Variants in SLC26A7 observed in about 807,000 individuals in gnomAD.
SLC26A7 encodes the protein solute carrier family 26 member 7, also known as anion exchange transporter.
Under a neutral mutation model 82.5 loss-of-function variants are expected in SLC26A7, and 59 were observed. That is an observed-to-expected ratio of 0.72 (90% CI 0.58 to 0.89). SLC26A7 has a LOEUF of 0.89. Ranked by LOEUF, SLC26A7 falls within the 40% of genes least tolerant of loss-of-function variation. The pLI is 0.00. For missense variants in SLC26A7, 820 were observed against 793.0 expected (o/e 1.03, Z -0.41); for synonymous variants, 271 against 274.3 (o/e 0.99, Z 0.12).
chr8:91,307,742 A>G (rs998151812), intron 4 of SLC26A7, among the ~76,000 whole-genome samples: 3 of 147,886 alleles, frequency 2.0e-5, no homozygotes, highest in Admixed American at 6.7e-5. Context: ...TGGCACATGT[A>G]TACATATGTA....
At chr8:91,342,690 C>T (rs913006128) in intron 8 of SLC26A7, among the ~76,000 whole-genome samples, 1 of 152,144 alleles carries the variant, frequency 6.6e-6, no homozygotes, top group African/African-American at 2.4e-5. Flanking sequence ...TGTTAGCCAT[C>T]CAGAGGGAGA....
intron 13 of SLC26A7, among the ~76,000 whole-genome samples, chr8:91,365,969 G>A (rs759645923): frequency 9.2e-5 from 14 of 152,118 alleles, no homozygotes; most frequent in Non-Finnish European, 1.6e-4. Flanking sequence ...TGGCCAAAGC[G>A]GACATGTTTT....
At chr8:91,350,038 T>C (rs1813670522) in intron 9 of SLC26A7, among the ~76,000 whole-genome samples, 1 of 152,158 alleles carries the variant, frequency 6.6e-6, no homozygotes, top group African/African-American at 2.4e-5. Flanking sequence ...ACTATAACTT[T>C]TTTTATGGGC....
chr8:91,318,154 C>T (rs1812692371), intron 4 of SLC26A7, 62 bp from the exon 5 acceptor site: 1 of 1,390,334 alleles, frequency 7.2e-7, no homozygotes, highest in African/African-American at 1.5e-5. Context: ...AAATATTAAG[C>T]CCTCTGGGAA....
chr8:91,389,200 G>T, intron 15 of SLC26A7, 138 bp from the exon 16 acceptor site: 1 of 646,060 alleles, frequency 1.5e-6, no homozygotes. Context: ...ATAATTTACT[G>T]AAAAATGTAA....
chr8:91,286,196 C>T (rs745522198), intron 2 of SLC26A7, among the ~76,000 whole-genome samples: 10 of 152,006 alleles, frequency 6.6e-5, no homozygotes, highest in Non-Finnish European at 1.2e-4. Flanking sequence ...CTCAGCACAG[C>T]GTGGGTTGGA....
chr8:91,243,769 A>C lies in SLC26A7; in HGVS notation c.-33-5850A>C, dbSNP rs1810505662. 2.0e-5 allele frequency among the ~76,000 whole-genome samples: 3 copies of C among 152,218 alleles called. No homozygotes were observed. In the South Asian group the frequency reaches 6.2e-4, roughly 31 times the overall value. ...TCTCACAATCCACAAACAAAGAAGC[A>C]GCAAGACGGTAGATTTAAACCCAAC... On this transcript the variant is annotated intron_variant, in intron 2 of 5. Coordinates refer to the SLC26A7 transcript ENST00000522862.
At chr8:91,376,289 A>T (rs1044050755) in intron 15 of SLC26A7, among the ~76,000 whole-genome samples, 1 of 151,994 alleles carries the variant, frequency 6.6e-6, no homozygotes, top group Non-Finnish European at 1.5e-5. Context: ...GTGTCAAGAC[A>T]CTCTGTCTTT....
intron 7 of SLC26A7, among the ~76,000 whole-genome samples, chr8:91,338,900 G>A (rs1175228922): frequency 6.6e-6 from 1 of 152,088 alleles, no homozygotes; most frequent in African/African-American, 2.4e-5. Flanking sequence ...TAAATTTGGG[G>A]CAAAGTTACA....
intron 1 of SLC26A7, among the ~76,000 whole-genome samples, chr8:91,212,912 G>C (rs1809959724): frequency 6.6e-6 from 1 of 152,140 alleles, no homozygotes; most frequent in Non-Finnish European, 1.5e-5. Context: ...CTCATACACT[G>C]TGTCTTGATT....
chr8:91,224,828 C>T (rs1020405346), intron 2 of SLC26A7, among the ~76,000 whole-genome samples: 1 of 152,214 alleles, frequency 6.6e-6, no homozygotes, highest in Middle Eastern at 3.2e-3. Flanking sequence ...GCAGCCACCC[C>T]TCCCGAGGAG....
intron 9 of SLC26A7, among the ~76,000 whole-genome samples, chr8:91,348,119 G>A (rs1813616207): frequency 6.6e-6 from 1 of 152,212 alleles, no homozygotes; most frequent in African/African-American, 2.4e-5. Context: ...CTGCAACACT[G>A]AGATTGTCTC....
chr8:91,353,105 G>C, intron 11 of SLC26A7, 109 bp downstream of exon 11: 1 of 663,248 alleles, frequency 1.5e-6, no homozygotes, highest in Admixed American at 3.5e-5. Context: ...TTTGAGACTT[G>C]TACACTTTAC....
intron 15 of SLC26A7, among the ~76,000 whole-genome samples, chr8:91,387,137 A>G (rs948444226): frequency 1.3e-5 from 2 of 152,196 alleles, no homozygotes; most frequent in African/African-American, 4.8e-5. Context: ...ATTTATGACC[A>G]GTCAACATTC....
At chr8:91,331,152 C>G (rs1046797020) in intron 5 of SLC26A7, among the ~76,000 whole-genome samples, 12 of 152,134 alleles carry the variant, frequency 7.9e-5, no homozygotes, top group African/African-American at 2.6e-4. Flanking sequence ...CTTTAAAGGC[C>G]CTGTCTCCAG....
chr8:91,274,885 G>A (rs1026903308), intron 2 of SLC26A7, among the ~76,000 whole-genome samples: 4 of 152,054 alleles, frequency 2.6e-5, no homozygotes, highest in African/African-American at 4.8e-5. Flanking sequence ...AAAACAATTC[G>A]GTTAGACAAA....
Position 91,220,364 on chromosome 8 carries a change from T to C in SLC26A7, c.-34+1359T>C, listed in dbSNP as rs575434037. Among the ~76,000 whole-genome samples, 225 of 152,208 alleles carry C rather than the reference T, an allele frequency of 1.5e-3. 1 individual carries two copies. The highest frequency in any genetic ancestry group is 2.6e-3 in the Non-Finnish European group (176 of 67,998). Reference sequence around the variant, plus strand: ...TAACCTAAGCTGTTGAAAAAGTGTTTTTGTTTTTTTTCTTTATTTCTTCTA... The same window carrying C: ...TAACCTAAGCTGTTGAAAAAGTGTTCTTGTTTTTTTTCTTTATTTCTTCTA... On this transcript the variant is annotated intron_variant, in intron 2 of 5. Transcript: ENST00000522862.
intron 5 of SLC26A7, among the ~76,000 whole-genome samples, chr8:91,318,592 A>G (rs1458482745): frequency 1.3e-5 from 2 of 152,150 alleles, no homozygotes; most frequent in African/African-American, 4.8e-5. Flanking sequence ...GTAATGAACA[A>G]TGGAATATGA....
At chr8:91,248,652 A>T (rs1322436169), upstream of SLC26A7, among the ~76,000 whole-genome samples, 2 of 152,080 alleles carry the variant, frequency 1.3e-5, no homozygotes, top group Admixed American at 1.3e-4. Context: ...TTAAAAAGAG[A>T]ACACCTACCC....
Sources: gnomAD v4.1 joint callset for allele counts (sites outside exome capture counted in the v4.1 genomes callset) on GRCh38, gnomAD v4.1.1 for gene constraint, MANE v1.5 for transcripts, NCBI Gene and HGNC (gene_info 2026-07-23, HGNC 2026-07-21) for gene names.